Variants in FRMD5 observed in about 807,000 individuals in gnomAD.
FRMD5 encodes FERM domain containing 5, also known as FERM domain-containing protein 5.
In FRMD5, 20 loss-of-function variants were observed where a neutral mutation model predicts 69.0. The observed-to-expected ratio is 0.29, with a 90% CI of 0.20 to 0.42. The LOEUF is 0.42. FRMD5 is among the 10% of genes least tolerant of loss of function. The pLI, the probability that FRMD5 is intolerant of heterozygous loss-of-function variation, is 1.00. For missense variants in FRMD5, 595 were observed against 708.6 expected, an observed-to-expected ratio of 0.84 and a Z score of 1.82; for synonymous variants, 271 against 260.1, an observed-to-expected ratio of 1.04 and a Z score of -0.40.
At chr15:43,900,124 C>G (rs2089009432) in intron 7 of FRMD5, among the ~76,000 whole-genome samples, 1 of 152,102 alleles carries the variant, frequency 6.6e-6, no homozygotes, top group Admixed American at 6.5e-5. Flanking sequence ...TAGAGTGACT[C>G]AGCAGTTCAG....
At chr15:44,077,458 CA>C (rs972941362) in intron 1 of FRMD5, among the ~76,000 whole-genome samples, 1 of 151,690 alleles carries the variant, frequency 6.6e-6, no homozygotes, top group Non-Finnish European at 1.5e-5. Context: ...TAAGAGATTA[CA>C]AAAAGAAATG....
intron 1 of FRMD5, among the ~76,000 whole-genome samples, chr15:44,182,458 T>G (rs1172832880): frequency 2.0e-5 from 3 of 151,260 alleles, no homozygotes; most frequent in Non-Finnish European, 4.4e-5. Flanking sequence ...GCCTCCCAAG[T>G]AGGTGGGACT....
chr15:44,194,878 C>G, intron 1 of FRMD5, 75 bp downstream of exon 1: 1 of 1,316,856 alleles, frequency 7.6e-7, no homozygotes, highest in African/African-American at 1.5e-5. Flanking sequence ...TGGGCGGCGG[C>G]CGCCGCCGGC....
At chr15:44,162,676 T>C (rs1303021793) in intron 1 of FRMD5, among the ~76,000 whole-genome samples, 1 of 149,756 alleles carries the variant, frequency 6.7e-6, no homozygotes, top group African/African-American at 2.5e-5. Context: ...GAGACCAGCC[T>C]GACCAACATG....
chr15:43,935,739 C>T (rs976345791), intron 1 of FRMD5, among the ~76,000 whole-genome samples: 5 of 152,146 alleles, frequency 3.3e-5, no homozygotes, highest in African/African-American at 1.2e-4. Context: ...CAGCGGCTCC[C>T]TGAGGCCTCT....
At chr15:44,120,485 A>G (rs1428977990) in intron 1 of FRMD5, among the ~76,000 whole-genome samples, 1 of 152,024 alleles carries the variant, frequency 6.6e-6, no homozygotes, top group African/African-American at 2.4e-5. Context: ...GGGTAACTAG[A>G]AGGATAAGGA....
At chr15:44,189,159 G>C (rs2078152350) in intron 1 of FRMD5, among the ~76,000 whole-genome samples, 1 of 152,192 alleles carries the variant, frequency 6.6e-6, no homozygotes. Context: ...TTGAACCTAA[G>C]AGTCTTTACA....
At chr15:44,058,785 C>A (rs76166700) in intron 1 of FRMD5, among the ~76,000 whole-genome samples, 1,274 of 122,360 alleles carry the variant, frequency 0.01, no homozygotes, top group African/African-American at 0.011. Flanking sequence ...GACTCCGTCT[C>A]AAAAAAAAAA....
intron 1 of FRMD5, among the ~76,000 whole-genome samples, chr15:44,169,106 A>G (rs1419062034): frequency 4.6e-5 from 7 of 152,212 alleles, no homozygotes; most frequent in Non-Finnish European, 2.9e-5. Flanking sequence ...AAAATTATGC[A>G]TCTAATAAAA....
At chr15:44,064,476 G>A (rs926949101) in intron 1 of FRMD5, among the ~76,000 whole-genome samples, 1 of 152,026 alleles carries the variant, frequency 6.6e-6, no homozygotes, top group Non-Finnish European at 1.5e-5. Flanking sequence ...TGTAATCCAG[G>A]TACTCTGGAG....
At chr15:44,029,836 A>T (rs1891601524) in intron 1 of FRMD5, among the ~76,000 whole-genome samples, 1 of 152,254 alleles carries the variant, frequency 6.6e-6, no homozygotes, top group Non-Finnish European at 1.5e-5. Flanking sequence ...GTCTCAGGTG[A>T]TTCTGATGCA....
chr15:44,185,800 A>C (rs2078090543), intron 1 of FRMD5, among the ~76,000 whole-genome samples: 1 of 152,000 alleles, frequency 6.6e-6, no homozygotes, highest in Admixed American at 6.6e-5. Flanking sequence ...TCTTAAAAAA[A>C]AAAAAATGCT....
chr15:44,060,812 C>T (rs1893058700), intron 1 of FRMD5, among the ~76,000 whole-genome samples: 1 of 152,178 alleles, frequency 6.6e-6, no homozygotes, highest in Non-Finnish European at 1.5e-5. Flanking sequence ...ACATCTGAAT[C>T]TGAGAATACT....
At chr15:44,195,321 A>G, upstream of FRMD5, 1 of 495,170 alleles carries the variant, frequency 2.0e-6, no homozygotes, top group Non-Finnish European at 3.6e-6. Context: ...GCGGGGCCTC[A>G]ACTGGAGGGG....
chr15:44,139,895 A>G (rs1437868992), intron 1 of FRMD5, among the ~76,000 whole-genome samples: 1 of 152,162 alleles, frequency 6.6e-6, no homozygotes, highest in Non-Finnish European at 1.5e-5. Context: ...ACTAGTCATG[A>G]TGGGAGACTT....
chr15:44,151,263 G>C (rs1053755258), intron 1 of FRMD5, among the ~76,000 whole-genome samples: 2 of 151,848 alleles, frequency 1.3e-5, no homozygotes, highest in Non-Finnish European at 2.9e-5. Flanking sequence ...CAAGCATGGT[G>C]GTGGGCGCCT....
At chr15:44,187,780 G>A (rs2078126968) in intron 1 of FRMD5, among the ~76,000 whole-genome samples, 1 of 152,012 alleles carries the variant, frequency 6.6e-6, no homozygotes, top group Non-Finnish European at 1.5e-5. Flanking sequence ...TGTTGCCCAG[G>A]ATAGACTCAA....
At chr15:43,895,150 C>T (rs1238019414) in intron 7 of FRMD5, among the ~76,000 whole-genome samples, 1 of 152,214 alleles carries the variant, frequency 6.6e-6, no homozygotes, top group South Asian at 2.1e-4. Context: ...TAATACAAAT[C>T]CTTTTGTAAA....
intron 1 of FRMD5, chr15:44,063,499 C>T (rs1893180050): frequency 5.2e-6 from 2 of 384,240 alleles, no homozygotes; most frequent in Admixed American, 3.0e-5. Context: ...CCAGCTGCAC[C>T]CCTGGGACAC....
Sources: gnomAD v4.1 joint callset for allele counts (sites outside exome capture counted in the v4.1 genomes callset) on GRCh38, gnomAD v4.1.1 for gene constraint, MANE v1.5 for transcripts, NCBI Gene and HGNC (gene_info 2026-07-23, HGNC 2026-07-21) for gene names.